Variants in PPARGC1A observed in about 807,000 individuals in gnomAD.
The protein encoded by PPARGC1A is PPARG coactivator 1 alpha, also known as peroxisome proliferator-activated receptor gamma coactivator 1-alpha.
Under a neutral mutation model 88.7 loss-of-function variants are expected in PPARGC1A, and 25 were observed. The observed-to-expected ratio is 0.28, with a 90% confidence interval of 0.21 to 0.39. The LOEUF (loss-of-function observed/expected upper bound fraction) is 0.39, where lower values mean the gene tolerates loss of function less well. Among genes scored for constraint, PPARGC1A ranks in the 10% least tolerant of loss-of-function variants. The probability of loss-of-function intolerance (pLI) is 1.00; values close to 1 mark genes in which losing one functional copy is unlikely to be tolerated. For synonymous variants in PPARGC1A, 363 were observed against 355.6 expected (o/e 1.02, Z -0.24); for missense variants, 880 against 968.7 (o/e 0.91, Z 1.22).
the PPARGC1A span, among the ~76,000 whole-genome samples, chr4:24,358,582 C>G: frequency 6.6e-6 from 1 of 152,228 alleles, no homozygotes; most frequent in Non-Finnish European, 1.5e-5. Context: ...CTTCCAAAAT[C>G]CAAAACTAGC....
the PPARGC1A span, among the ~76,000 whole-genome samples, chr4:24,472,409 T>G: frequency 6.6e-6 from 1 of 151,556 alleles, no homozygotes; most frequent in Non-Finnish European, 1.5e-5. The surrounding 1 kb of genome is among the most constrained non-coding windows in gnomAD (Gnocchi z 4.5). Context: ...GGAGCCGTAG[T>G]TGTAAAAGAA....
At chr4:24,113,611 G>C in the PPARGC1A span, among the ~76,000 whole-genome samples, 3 of 152,148 alleles carry the variant, frequency 2.0e-5, no homozygotes, top group African/African-American at 7.2e-5. Flanking sequence ...AAGGGTTCCA[G>C]TGACCCAGTT....
chr4:24,458,257 T>A, the PPARGC1A span, among the ~76,000 whole-genome samples: 1 of 152,178 alleles, frequency 6.6e-6, no homozygotes, highest in African/African-American at 2.4e-5. Flanking sequence ...CCCAGCACTT[T>A]TGGAGGCTGA....
the PPARGC1A span, among the ~76,000 whole-genome samples, chr4:24,203,730 C>T: frequency 6.6e-6 from 1 of 152,196 alleles, no homozygotes; most frequent in African/African-American, 2.4e-5. Context: ...ACATCTGATG[C>T]ATAATGTGAG....
chr4:23,927,243 T>C, the PPARGC1A span, among the ~76,000 whole-genome samples: 7 of 152,330 alleles, frequency 4.6e-5, no homozygotes, highest in East Asian at 1.2e-3. Context: ...TACTCTGTAC[T>C]TGAAGTATGG....
chr4:23,975,008 C>G, the PPARGC1A span, among the ~76,000 whole-genome samples: 1 of 151,540 alleles, frequency 6.6e-6, no homozygotes, highest in Admixed American at 6.6e-5. Context: ...GCTGTGGGGA[C>G]TTGGGATTCA....
At chr4:24,185,787 CT>C in the PPARGC1A span, among the ~76,000 whole-genome samples, 1 of 133,318 alleles carries the variant, frequency 7.5e-6, no homozygotes, top group African/African-American at 2.7e-5. Context: ...TCCCTCCCCC[CT>C]CCCCCGACCC....
the PPARGC1A span, among the ~76,000 whole-genome samples, chr4:24,432,187 T>G: frequency 6.6e-6 from 1 of 152,000 alleles, no homozygotes; most frequent in African/African-American, 2.4e-5. Context: ...AATTGTAAGG[T>G]AGCGGTAAAG....
chr4:23,999,006 A>G, the PPARGC1A span, among the ~76,000 whole-genome samples: 59 of 152,356 alleles, frequency 3.9e-4, 1 homozygote, highest in African/African-American at 1.4e-3. Flanking sequence ...ATACATATTT[A>G]TTTATTACAA....
the PPARGC1A span, among the ~76,000 whole-genome samples, chr4:24,438,339 G>A: frequency 1.3e-5 from 2 of 152,088 alleles, no homozygotes; most frequent in African/African-American, 4.8e-5. Flanking sequence ...CCAGAGCAGG[G>A]ATTTTCCACC....
At chr4:23,854,476 C>T (rs1238779967) in intron 2 of PPARGC1A, among the ~76,000 whole-genome samples, 4 of 152,286 alleles carry the variant, frequency 2.6e-5, no homozygotes, top group South Asian at 2.1e-4. Context: ...TATCCAATTA[C>T]CGGAAATTCC....
At chr4:24,288,570 T>C in the PPARGC1A span, among the ~76,000 whole-genome samples, 4 of 152,224 alleles carry the variant, frequency 2.6e-5, no homozygotes, top group Non-Finnish European at 4.4e-5. Flanking sequence ...AAATGACATT[T>C]TTGTAAAATG....
intron 10 of PPARGC1A, among the ~76,000 whole-genome samples, chr4:23,805,997 T>C (rs1483535472): frequency 6.6e-6 from 1 of 152,076 alleles, no homozygotes; most frequent in Non-Finnish European, 1.5e-5. Context: ...ATACAAAATA[T>C]AAACCAGAGG....
chr4:23,860,632 A>T (rs1731078168), intron 2 of PPARGC1A, among the ~76,000 whole-genome samples: 1 of 152,232 alleles, frequency 6.6e-6, no homozygotes, highest in Non-Finnish European at 1.5e-5. Context: ...CAGAGGAAGC[A>T]CCACTAAACT....
chr4:23,928,941 C>T, the PPARGC1A span, among the ~76,000 whole-genome samples: 1 of 151,824 alleles, frequency 6.6e-6, no homozygotes, highest in Non-Finnish European at 1.5e-5. Context: ...CACATGGACA[C>T]AGGGAGGGGA....
chr4:24,463,068 C>T, the PPARGC1A span, among the ~76,000 whole-genome samples: 4 of 152,020 alleles, frequency 2.6e-5, no homozygotes, highest in Admixed American at 6.6e-5. Flanking sequence ...CGACTTCACA[C>T]GAAGCATCTT....
chr4:24,154,339 A>G, the PPARGC1A span, among the ~76,000 whole-genome samples: 2 of 152,354 alleles, frequency 1.3e-5, no homozygotes, highest in Non-Finnish European at 2.9e-5. Flanking sequence ...TCTGGACATG[A>G]CATCCTGCAC....
the PPARGC1A span, among the ~76,000 whole-genome samples, chr4:24,066,258 C>T: frequency 6.6e-6 from 1 of 152,012 alleles, no homozygotes; most frequent in African/African-American, 2.4e-5. Context: ...GACTGAAAAT[C>T]GCCTTCCACA....
At chr4:24,315,575 C>G in the PPARGC1A span, among the ~76,000 whole-genome samples, 19 of 152,204 alleles carry the variant, frequency 1.2e-4, no homozygotes, top group Non-Finnish European at 2.5e-4. Context: ...CAAAGTTTCA[C>G]AAGCCAGTGA....
Sources: gnomAD v4.1 joint callset for allele counts (sites outside exome capture counted in the v4.1 genomes callset) on GRCh38, gnomAD v4.1.1 for gene constraint, Gnocchi (gnomAD v3.1) non-coding constraint, MANE v1.5 for transcripts, NCBI Gene and HGNC (gene_info 2026-07-23, HGNC 2026-07-21) for gene names.